Variants in NF1 observed in about 807,000 individuals in gnomAD.
NF1 encodes neurofibromin 1.
Under a neutral mutation model 325.7 loss-of-function variants are expected in NF1, and 122 were observed. The observed-to-expected ratio is 0.37, with a 90% CI of 0.32 to 0.44. The LOEUF (loss-of-function observed/expected upper bound fraction) is 0.44. NF1 is among the 20% of genes least tolerant of loss of function. The probability of loss-of-function intolerance (pLI) is 1.00; values close to 1 mark genes in which losing one functional copy is unlikely to be tolerated. For synonymous variants in NF1, 1,091 were observed against 1,186.0 expected, an observed-to-expected ratio of 0.92 and a Z score of 1.65; for missense variants, 2,140 against 3,415.4, an observed-to-expected ratio of 0.63 and a Z score of 9.31.
intron 8 of NF1, among the ~76,000 whole-genome samples, chr17:31,184,629 G>A (rs1394157027): frequency 2.7e-4 from 38 of 139,242 alleles, no homozygotes; most frequent in Middle Eastern, 4.2e-3. Context: ...CAGCCTGGGC[G>A]ACAGCGAGAC....
intron 39 of NF1, among the ~76,000 whole-genome samples, chr17:31,333,848 G>A (rs571368449): frequency 6.6e-6 from 1 of 152,218 alleles, no homozygotes; most frequent in East Asian, 1.9e-4. Context: ...TTTGTGTTGT[G>A]TATATTTTAC....
intron 34 of NF1, 112 bp from the exon 35 acceptor site, chr17:31,261,599 G>A (rs1358712675): frequency 4.3e-6 from 5 of 1,161,718 alleles, no homozygotes; most frequent in Non-Finnish European, 6.4e-6. Context: ...TTTTGGTGCT[G>A]TTTACAAATC....
At chr17:31,312,938 G>A (rs1567889482) in intron 36 of NF1, among the ~76,000 whole-genome samples, 1 of 151,848 alleles carries the variant, frequency 6.6e-6, no homozygotes, top group Non-Finnish European at 1.5e-5. Flanking sequence ...TATTCTATAG[G>A]TTTCTTCTAT....
chr17:31,099,758 A>T (rs1912132451), intron 1 of NF1, among the ~76,000 whole-genome samples: 2 of 151,890 alleles, frequency 1.3e-5, no homozygotes. Context: ...CGGGGGTTTC[A>T]CCGTGTTGGC....
chr17:31,118,107 G>C (rs188852283), intron 1 of NF1, among the ~76,000 whole-genome samples: 101 of 152,174 alleles, frequency 6.6e-4, no homozygotes, highest in African/African-American at 2.3e-3. Context: ...TTTTAATTTA[G>C]TGTTTTATTA....
chr17:31,189,085 A>AG (rs2143820050), intron 8 of NF1, among the ~76,000 whole-genome samples: 1 of 152,338 alleles, frequency 6.6e-6, no homozygotes, highest in South Asian at 2.1e-4. Flanking sequence ...CTATAGATTC[A>AG]GTAGTACTCG....
At chr17:31,183,570 C>G (rs2066177093) in intron 8 of NF1, 1 of 152,200 alleles carries the variant, frequency 6.6e-6, no homozygotes, top group African/African-American at 2.4e-5. Flanking sequence ...TTTTGGAGCC[C>G]TTCAAAATAG....
intron 12 of NF1, among the ~76,000 whole-genome samples, chr17:31,209,612 A>G (rs2066688091): frequency 1.3e-5 from 2 of 152,042 alleles, no homozygotes; most frequent in African/African-American, 4.8e-5. Flanking sequence ...TTGGCATTGG[A>G]AGGGATTTTA....
chr17:31,367,362 C>G, intron 57 of NF1: 1 of 909,650 alleles, frequency 1.1e-6, no homozygotes, highest in Non-Finnish European at 1.6e-6. Context: ...ACTTTACTCA[C>G]CGGTCCCTGT....
chr17:31,369,059 G>C, intron 57 of NF1, among the ~76,000 whole-genome samples: 1 of 152,034 alleles, frequency 6.6e-6, no homozygotes, highest in East Asian at 1.9e-4. Context: ...TTTTTCCTTA[G>C]CTTTTCAAGA....
At chr17:31,115,406 G>A (rs1318066126) in intron 1 of NF1, among the ~76,000 whole-genome samples, 1 of 152,118 alleles carries the variant, frequency 6.6e-6, no homozygotes, top group African/African-American at 2.4e-5. Flanking sequence ...TCCCTGCTTG[G>A]GAACCAAGGC....
rs368227429 is a variant in NF1, at chr17:31,227,711, G to A, written c.2409+105G>A. ...CGCTCAGTAAAGTAAACATATAGCT[G>A]TGTGAAGACTGATATTTAGTTGTGG... On this transcript the variant is annotated intron_variant, in intron 20 of 57. Transcript: ENST00000358273. The A allele has an allele frequency of 4.5e-5, 43 of 956,122 alleles. No homozygotes were observed. The African/African-American group carries it at 6.7e-4, about 15-fold the overall frequency. The allele number at this position is 956,122 out of a possible 1,614,324, so 59.2% of individuals were successfully genotyped here.
intron 30 of NF1, chr17:31,251,880 C>T (rs971929857): frequency 9.2e-6 from 2 of 217,414 alleles, no homozygotes; most frequent in Non-Finnish European, 1.9e-5. Context: ...GGATGTCTAA[C>T]TAACTTAAAG....
chr17:31,244,055 C>T (rs2067349938), intron 29 of NF1, among the ~76,000 whole-genome samples: 1 of 152,106 alleles, frequency 6.6e-6, no homozygotes, highest in African/African-American at 2.4e-5. Context: ...AGACTGGGTC[C>T]TTCCTTTTAA....
intron 51 of NF1, 110 bp downstream of exon 51, chr17:31,352,524 T>G (rs578046727): frequency 1.3e-5 from 14 of 1,075,106 alleles, no homozygotes; most frequent in Admixed American, 5.8e-5. Context: ...TCCATGTCAG[T>G]GTAGCAAAGT....
chr17:31,158,163 T>G (rs564120619), intron 2 of NF1, among the ~76,000 whole-genome samples: 1 of 152,230 alleles, frequency 6.6e-6, no homozygotes, highest in South Asian at 2.1e-4. Context: ...CACATATGAG[T>G]GAGAGCATGT....
intron 36 of NF1, among the ~76,000 whole-genome samples, chr17:31,293,636 A>G (rs543508512): frequency 7.2e-5 from 11 of 152,310 alleles, no homozygotes; most frequent in African/African-American, 2.4e-4. Flanking sequence ...TAAACCAGCA[A>G]AGGAGGCTAT....
chr17:31,181,725 G>T lies in NF1; in HGVS notation c.670G>T (p.Val224Leu). 1 of 1,608,616 alleles carries T rather than the reference G, an allele frequency of 6.2e-7. No individual in the cohort carries two copies. The highest frequency in any genetic ancestry group is 8.5e-7 in the Non-Finnish European group (1 of 1,175,672). Residue 224 changes from valine to leucine, a missense_variant, in exon 7 of 58, where the codon GTA (valine) becomes TTA (leucine). Val to Leu is a conservative substitution (Grantham distance 32). Coordinates refer to ENST00000358273, the MANE Select transcript of NF1 (RefSeq NM_001042492.3). ...NSLEKAFWNW[V>L]ENYPDEFTKL... is the part of the protein sequence containing the mutation. ...TTATTTATAGGCATTTTGGAACTGGGTAGAAAATTATCCAGATGAATTTAC... is the reference window on the plus strand; with the variant it reads ...TTATTTATAGGCATTTTGGAACTGGTTAGAAAATTATCCAGATGAATTTAC...
At chr17:31,115,270 G>A (rs781645620) in intron 1 of NF1, among the ~76,000 whole-genome samples, 11 of 152,170 alleles carry the variant, frequency 7.2e-5, no homozygotes, top group Non-Finnish European at 1.6e-4. Context: ...CAGCCCCCAA[G>A]AGTAGAGACT....
Sources: gnomAD v4.1 joint callset for allele counts (sites outside exome capture counted in the v4.1 genomes callset) on GRCh38, gnomAD v4.1.1 for gene constraint, MANE v1.5 for transcripts, NCBI Gene and HGNC (gene_info 2026-07-23, HGNC 2026-07-21) for gene names.